Variants in KY observed in about 807,000 individuals in gnomAD.
The protein encoded by KY is kyphoscoliosis peptidase.
In KY, 43 loss-of-function variants were observed where a neutral mutation model predicts 76.1. The observed-to-expected ratio is 0.57, with a 90% CI of 0.44 to 0.73. The LOEUF (loss-of-function observed/expected upper bound fraction) is 0.73, where lower values mean the gene tolerates loss of function less well. Among genes scored for constraint, KY ranks in the 30% least tolerant of loss-of-function variants. KY has a pLI of 0.00. For synonymous variants in KY, 277 were observed against 326.2 expected (o/e 0.85, Z 1.63); for missense variants, 722 against 828.9 (o/e 0.87, Z 1.58).
intron 8 of KY, among the ~76,000 whole-genome samples, chr3:134,611,312 G>A (rs1960400859): frequency 6.6e-6 from 1 of 152,202 alleles, no homozygotes; most frequent in Non-Finnish European, 1.5e-5. Context: ...GACATTTGGA[G>A]CTAAAACCCT....
At position 134,650,857 on chromosome 3, in the gene KY, G is replaced by A. The variant is rs371077910; in HGVS notation, c.104C>T (p.Ala35Val). ...AAQGTLSDQQ[A>V]NPSSLLQRGG... ...GCGCTGCAGCAGCGAGCTCGGGTTC[G>A]CCTGCTGGTCTGAGAGCGTACCCTG... Residue 35 changes from alanine (A) to valine (V), a missense_variant, in exon 1 of 11, where the codon GCG becomes GTG. Ala to Val is a moderately conservative substitution (Grantham distance 64, BLOSUM62 0). This residue lies in a region of KY where 170 missense variants were observed against 148.1 expected (regional missense o/e 1.15). Coordinates refer to ENST00000423778, the MANE Select transcript of KY (RefSeq NM_178554.6). 1.4e-5 allele frequency: 22 copies of A among 1,608,326 alleles called. No homozygotes were observed. Among genetic ancestry groups the A allele is most frequent in the Admixed American group, 1.7e-5 (1 of 59,638 alleles).
chr3:134,620,225 G>A (rs1045912214), intron 7 of KY, among the ~76,000 whole-genome samples: 1 of 152,162 alleles, frequency 6.6e-6, no homozygotes, highest in Admixed American at 6.5e-5. Context: ...CATAGGCCCA[G>A]GTCCCTCAGG....
rs1354639574 is a variant in KY at position 134,638,497 on chromosome 3, C to T, written c.262+4819G>A. 3.3e-5 allele frequency among the ~76,000 whole-genome samples: 5 copies of T among 152,170 alleles called. No individual in the cohort carries two copies. The East Asian group carries it at 9.7e-4, about 29-fold the overall frequency. On this transcript the variant is annotated intron_variant, in intron 3 of 10. Coordinates refer to ENST00000423778, the MANE Select transcript of KY (RefSeq NM_178554.6). ...GCCTGGCTGGCCTCTCTCATGCATC[C>T]CTCCCCAGCTCCACCAGTTGTCAAC...
intron 3 of KY, among the ~76,000 whole-genome samples, chr3:134,638,276 A>G (rs997608362): frequency 6.6e-6 from 1 of 152,214 alleles, no homozygotes; most frequent in Admixed American, 6.5e-5. Flanking sequence ...CTATGACGCT[A>G]CTGGATCAAA....
rs574166316 is a variant in KY, at chr3:134,647,594, C to G, written c.137-97G>C. The G allele has an allele frequency of 8.9e-6, 6 of 674,438 alleles. No individual in the cohort carries two copies. The South Asian group carries it at 9.3e-5, about 10-fold the overall frequency. The allele number at this position is 674,438 out of a possible 1,614,324, so 41.8% of individuals were successfully genotyped here. ...CTAGGTTATGGTAGAGCAGGTGGAT[C>G]TTGGCTCTCTTGGAATCTGAGAGAG... On this transcript the variant is annotated intron_variant, in intron 1 of 10. Transcript: ENST00000423778.
intron 8 of KY, chr3:134,613,218 G>C (rs1324196761): frequency 1.9e-5 from 3 of 154,464 alleles, no homozygotes; most frequent in Non-Finnish European, 4.4e-5. Flanking sequence ...GAAGGAAGGA[G>C]AGGAATTTAG....
At position 134,625,027 on chromosome 3, in the gene KY, A is replaced by G. The variant is rs772031879; in HGVS notation, c.483+26T>C. 1.8e-4 allele frequency: 277 copies of G among 1,570,420 alleles called. 1 individual carries two copies. Among genetic ancestry groups the G allele is most frequent in the Non-Finnish European group, 8.6e-6 (10 of 1,156,212 alleles). Reference sequence around the variant, plus strand: ...ACTCTAAGCCACCTTGAAGGGGCCCATGGTCAGAGCGGCCAGCTGTCCTAC... The same window carrying G: ...ACTCTAAGCCACCTTGAAGGGGCCCGTGGTCAGAGCGGCCAGCTGTCCTAC... On this transcript the variant is annotated intron_variant, in intron 6 of 10. Transcript: ENST00000423778.
At chr3:134,634,675 A>AC (rs1209176796) in intron 3 of KY, among the ~76,000 whole-genome samples, 1 of 152,254 alleles carries the variant, frequency 6.6e-6, no homozygotes, top group African/African-American at 2.4e-5. Flanking sequence ...TTTGAACTGC[A>AC]CGAGTCCACT....
chr3:134,619,960 C>A (rs533263286), intron 7 of KY: 1 of 152,368 alleles, frequency 6.6e-6, no homozygotes, highest in East Asian at 1.9e-4. Flanking sequence ...CTGTGCCAGG[C>A]GAGCTCATTC....
At chr3:134,639,949 C>CAA (rs35930137) in intron 3 of KY, 45 of 49,740 alleles carry the variant, frequency 9.0e-4, no homozygotes, top group Non-Finnish European at 1.1e-3. Flanking sequence ...CACCCTGTCT[C>CAA]AAAAAAAAAA....
rs557132503 is a variant in KY at position 134,618,043 on chromosome 3, AC to A, written c.710+1104del. ...AAGCAGCCTGGGTGGCATATTCTGT[AC>A]CCTGACCCACCGTGGCTGCGTCTGG... On this transcript the variant is annotated intron_variant, in intron 8 of 10. Transcript: ENST00000423778. Among the ~76,000 whole-genome samples the A allele has an allele frequency of 3.3e-5, 5 of 152,036 alleles. No homozygotes were observed. The South Asian group carries it at 1.0e-3, about 32-fold the overall frequency.
At position 134,627,835 on chromosome 3, in the gene KY, A is replaced by G. The variant is rs1577710527; in HGVS notation, c.338-17T>C. The stretch of plus-strand genomic sequence containing the variant: ...CTTGTAAACCTACAATATTCCAAAG[A>G]TCAGAAGTATAGATACTTCAGAAGA... On this transcript the variant is annotated splice_polypyrimidine_tract_variant and intron_variant, in intron 4 of 10. Transcript: ENST00000423778. 2 of 1,601,566 alleles carry G rather than the reference A, an allele frequency of 1.2e-6. No individual in the cohort carries two copies. Among genetic ancestry groups the G allele is most frequent in the Non-Finnish European group, 1.7e-6 (2 of 1,168,656 alleles).
In KY at chr3:134,644,350, A is replaced by G. The variant is rs535591740; in HGVS notation, c.200-972T>C. Among the ~76,000 whole-genome samples the G allele has an allele frequency of 9.8e-5, 15 of 152,354 alleles. No individual in the cohort carries two copies. The East Asian group carries it at 2.9e-3, about 29-fold the overall frequency. On this transcript the variant is annotated intron_variant, in intron 2 of 10. Coordinates refer to ENST00000423778, the MANE Select transcript of KY (RefSeq NM_178554.6). ...CATGGAGTGATGCCTAGTTCCTGCC[A>G]TAGGCCAAGAAGCGGGAGCTCACAG...
At position 134,604,245 on chromosome 3, in the gene KY, C is replaced by T. The variant is rs552514400; in HGVS notation, c.1320G>A (p.Met440Ile). ...GAAGCTCAGCAGGCAGCTGGACACC[C>T]ATGTCCACATAATTGCACTTGAGCG... is the stretch of plus-strand genomic sequence containing the variant. ...EYTLKCNYVDMGVQLPAELHQ... is the reference protein window; with the variant it reads ...EYTLKCNYVDIGVQLPAELHQ... The change falls in exon 11 of 11, where the codon ATG (methionine) becomes ATA (isoleucine). Residue 440 changes from methionine (M) to isoleucine (I), a missense_variant. This residue lies in a region of KY where 552 missense variants were observed against 680.9 expected (regional missense o/e 0.81). Coordinates refer to ENST00000423778, the MANE Select transcript of KY (RefSeq NM_178554.6). 16 of 1,613,740 alleles carry T rather than the reference C, an allele frequency of 9.9e-6. No individual in the cohort carries two copies. Among genetic ancestry groups the T allele is most frequent in the Non-Finnish European group, 1.4e-5 (16 of 1,179,860 alleles).
rs562036753 is a variant in KY at position 134,604,848 on chromosome 3, C to T, written c.1091-374G>A. ...GAGGGTCATGGGTCAGGAGGGGCAC[C>T]ATCTCCCCCAAGTCTCAGGTCTAGC... On this transcript the variant is annotated intron_variant, in intron 10 of 10. Coordinates refer to ENST00000423778, the MANE Select transcript of KY (RefSeq NM_178554.6). Among the ~76,000 whole-genome samples the T allele has an allele frequency of 3.9e-5, 6 of 152,310 alleles. No individual in the cohort carries two copies. The East Asian group carries it at 1.2e-3, about 29-fold the overall frequency.
chr3:134,610,899 G>T (rs1044925181), intron 8 of KY, among the ~76,000 whole-genome samples: 2 of 152,214 alleles, frequency 1.3e-5, no homozygotes, highest in African/African-American at 4.8e-5. Flanking sequence ...TGGGGTTGCT[G>T]GTTGTGAGGG....
rs1272330488 is a variant in KY at position 134,647,489 on chromosome 3, C to T, written c.145G>A (p.Gly49Ser). The T allele has an allele frequency of 1.2e-6, 2 of 1,607,094 alleles. No individual in the cohort carries two copies. Among genetic ancestry groups the T allele is most frequent in the African/African-American group, 1.3e-5 (1 of 74,808 alleles). The change falls in exon 2 of 11, where the codon GGT becomes AGT. Residue 49 changes from glycine (G) to serine (S), a missense_variant. Transcript: ENST00000423778. The stretch of plus-strand genomic sequence containing the variant: ...CATCTTCGGACTCCATTTCCAACAC[C>T]TTGGAATCCTGCAAAATAACAAGCT... Reference protein sequence around the residue: ...SLLQRGGGFQGVGNGVRRWQK... With the variant: ...SLLQRGGGFQSVGNGVRRWQK...
rs1485814641 is a variant in KY at position 134,600,817 on chromosome 3, G to GTTGTCCCCCAGGATGCCCTCACAGC, written c.*2737_*2761dup. The GTTGTCCCCCAGGATGCCCTCACAGC allele has an allele frequency of 1.3e-5, 2 of 152,266 alleles. No individual in the cohort carries two copies. Among genetic ancestry groups the GTTGTCCCCCAGGATGCCCTCACAGC allele is most frequent in the Non-Finnish European group, 2.9e-5 (2 of 68,088 alleles). 9.4% of individuals were successfully genotyped at this position (152,266 alleles called of 1,614,324 possible). A position where few individuals can be genotyped will look rare whatever the true frequency, so the allele number is the denominator to read the frequency against. On this transcript the variant is annotated 3_prime_UTR_variant, in exon 11 of 11. Coordinates refer to ENST00000423778, the MANE Select transcript of KY (RefSeq NM_178554.6). ...ATCCCTTGTCTTTTCAACACACCAG[G>GTTGTCCCCCAGGATGCCCTCACAGC]TTGTCCCCCAGGATGCCCTCACAGC...
At position 134,601,384 on chromosome 3, in the gene KY, T is replaced by C. The variant is rs1339521209; in HGVS notation, c.*2195A>G. Among the ~76,000 whole-genome samples the C allele has an allele frequency of 6.6e-6, 1 of 152,222 alleles. No homozygotes were observed. ...TGCTCCAGGATGTATTGATTAATTATATTGCATATCGAAAAGGTATGGGGG... is the reference window on the plus strand; with the variant it reads ...TGCTCCAGGATGTATTGATTAATTACATTGCATATCGAAAAGGTATGGGGG... On this transcript the variant is annotated 3_prime_UTR_variant, in exon 11 of 11. Coordinates refer to ENST00000423778, the MANE Select transcript of KY (RefSeq NM_178554.6).
Sources: gnomAD v4.1 joint callset for allele counts (sites outside exome capture counted in the v4.1 genomes callset) on GRCh38, gnomAD v4.1.1 for gene constraint, gnomAD v4.1.1 regional missense constraint, MANE v1.5 for transcripts, NCBI Gene and HGNC (gene_info 2026-07-23, HGNC 2026-07-21) for gene names.